GALNT13: variants seen among roughly 807,000 people sequenced by gnomAD.
GALNT13 encodes the protein UDP-GalNAc:polypeptide N-acetylgalactosaminyltransferase 13.
A neutral mutation model predicts 64.2 loss-of-function variants in GALNT13; 28 were observed. The ratio of observed to expected loss-of-function variants is 0.44; its 90% CI spans 0.32 to 0.60. The LOEUF is 0.60. Ranked by LOEUF, GALNT13 falls within the 20% of genes least tolerant of loss-of-function variation. The pLI is 0.05. For synonymous variants in GALNT13, 214 were observed against 224.6 expected, an observed-to-expected ratio of 0.95 and a Z score of 0.42; for missense variants, 577 against 669.8, an observed-to-expected ratio of 0.86 and a Z score of 1.53.
At chr2:154,037,986 A>AT (rs1221618588) in intron 3 of GALNT13, among the ~76,000 whole-genome samples, 6 of 152,040 alleles carry the variant, frequency 3.9e-5, no homozygotes, top group South Asian at 2.1e-4. Context: ...AACTCTACAA[A>AT]TTTTTTTTAA....
chr2:154,227,235 G>A (rs1043233789), intron 4 of GALNT13, among the ~76,000 whole-genome samples: 2 of 152,062 alleles, frequency 1.3e-5, no homozygotes, highest in East Asian at 1.9e-4. Context: ...GTCTCACTGA[G>A]AAAAGGGTGA....
the GALNT13 span, among the ~76,000 whole-genome samples, chr2:153,733,064 G>A: frequency 6.6e-6 from 1 of 152,080 alleles, no homozygotes; most frequent in African/African-American, 2.4e-5. Context: ...TGTCAGAGTG[G>A]AAGAGTAGAA....
the GALNT13 span, among the ~76,000 whole-genome samples, chr2:153,789,873 C>T: frequency 6.6e-6 from 1 of 152,080 alleles, no homozygotes; most frequent in African/African-American, 2.4e-5. Context: ...CCTCCTGAGA[C>T]TGAAGCAGAA....
intron 9 of GALNT13, among the ~76,000 whole-genome samples, chr2:154,322,762 G>A (rs978346971): frequency 3.3e-5 from 5 of 152,062 alleles, no homozygotes; most frequent in African/African-American, 1.2e-4. Flanking sequence ...GCAGGATTCT[G>A]TGGGTAAGGA....
chr2:154,285,108 G>C (rs1692185861), intron 8 of GALNT13, among the ~76,000 whole-genome samples: 1 of 151,940 alleles, frequency 6.6e-6, no homozygotes, highest in African/African-American at 2.4e-5. Flanking sequence ...TGAATTCCTT[G>C]TTTTTGATAC....
chr2:153,491,336 G>T, the GALNT13 span, among the ~76,000 whole-genome samples: 2 of 151,872 alleles, frequency 1.3e-5, no homozygotes, highest in South Asian at 4.1e-4. Flanking sequence ...CATAAAAGAA[G>T]ATTTGAGCTA....
At chr2:153,970,144 A>G (rs554388191) in intron 3 of GALNT13, among the ~76,000 whole-genome samples, 1 of 152,300 alleles carries the variant, frequency 6.6e-6, no homozygotes, top group South Asian at 2.1e-4. Context: ...TTCTGTACTC[A>G]TGGTCTCTGA....
At chr2:153,744,246 A>T in the GALNT13 span, among the ~76,000 whole-genome samples, 1 of 151,932 alleles carries the variant, frequency 6.6e-6, no homozygotes, top group African/African-American at 2.4e-5. Flanking sequence ...TTTTTGAGAA[A>T]CCTCCAAACT....
chr2:154,250,976 C>G (rs1227876842), intron 7 of GALNT13, among the ~76,000 whole-genome samples: 3 of 152,016 alleles, frequency 2.0e-5, no homozygotes, highest in Non-Finnish European at 4.4e-5. Flanking sequence ...CTGTTAAAAT[C>G]TAATGTATGT....
At chr2:154,432,934 G>A (rs1187517178) in intron 11 of GALNT13, among the ~76,000 whole-genome samples, 1 of 152,146 alleles carries the variant, frequency 6.6e-6, no homozygotes, top group African/African-American at 2.4e-5. Context: ...GATTTTGCCT[G>A]GAGAGATTAG....
At chr2:153,562,029 CCTCT>C in the GALNT13 span, among the ~76,000 whole-genome samples, 2,824 of 117,752 alleles carry the variant, frequency 0.024, 60 homozygotes, top group Middle Eastern at 0.076. Context: ...CCCTCCCTCT[CCTCT>C]CTCTCTCTTT....
chr2:154,262,031 C>G lies in GALNT13; in HGVS notation c.975+2893C>G, dbSNP rs115176143. 3.4e-3 allele frequency among the ~76,000 whole-genome samples: 516 copies of G among 152,214 alleles called. 4 individuals are homozygous for G. The highest frequency in any genetic ancestry group is 0.012 in the African/African-American group (496 of 41,546). ...ATCACTTGATCGCTGTACTTAAAGA[C>G]ATTTGAAAATTTTATGAAAGCTGTA... On this transcript the variant is annotated intron_variant, in intron 8 of 12. Transcript: ENST00000392825.
chr2:154,284,250 T>A (rs748666778), intron 8 of GALNT13, among the ~76,000 whole-genome samples: 6 of 152,164 alleles, frequency 3.9e-5, no homozygotes, highest in Non-Finnish European at 8.8e-5. Context: ...TTTTTTGTCC[T>A]TTGACCAACA....
chr2:153,672,148 C>A, the GALNT13 span, among the ~76,000 whole-genome samples: 1 of 152,098 alleles, frequency 6.6e-6, no homozygotes, highest in Non-Finnish European at 1.5e-5. Flanking sequence ...ATCAGAGAGA[C>A]AGAAAATTAA....
the GALNT13 span, among the ~76,000 whole-genome samples, chr2:153,383,375 C>T: frequency 6.6e-6 from 1 of 152,040 alleles, no homozygotes; most frequent in Non-Finnish European, 1.5e-5. Flanking sequence ...GGATCACACA[C>T]AGCCTCATTC....
At chr2:153,351,695 T>C in the GALNT13 span, among the ~76,000 whole-genome samples, 1 of 152,210 alleles carries the variant, frequency 6.6e-6, no homozygotes, top group African/African-American at 2.4e-5. Context: ...GAATATCAGA[T>C]AGTTGGATCA....
At chr2:153,959,914 C>T (rs941801919) in intron 3 of GALNT13, among the ~76,000 whole-genome samples, 4 of 152,168 alleles carry the variant, frequency 2.6e-5, no homozygotes, top group Non-Finnish European at 4.4e-5. Context: ...AGTTGGGCCC[C>T]ACACAAAGCA....
the GALNT13 span, among the ~76,000 whole-genome samples, chr2:153,754,366 T>C: frequency 5.3e-4 from 80 of 152,222 alleles, no homozygotes; most frequent in Non-Finnish European, 9.4e-4. Flanking sequence ...ATATTGTTGG[T>C]TATTCAGAGC....
intron 11 of GALNT13, among the ~76,000 whole-genome samples, chr2:154,422,987 T>G (rs1700318564): frequency 6.6e-6 from 1 of 152,122 alleles, no homozygotes; most frequent in South Asian, 2.1e-4. Context: ...TAAGTATGCA[T>G]GTGCTATGTT....
Sources: allele counts gnomAD v4.1 joint callset (sites outside exome capture counted in the v4.1 genomes callset), GRCh38; gene constraint gnomAD v4.1.1; transcripts MANE v1.5; gene names NCBI Gene and HGNC (gene_info 2026-07-23, HGNC 2026-07-21).